The following TSPAN11 variants were observed in gnomAD, a reference collection of about 807,000 sequenced individuals.
The protein encoded by TSPAN11 is tetraspanin-11.
In TSPAN11, 29 loss-of-function variants were observed where a neutral mutation model predicts 32.9. The ratio of observed to expected loss-of-function variants is 0.88; its 90% CI spans 0.66 to 1.20. TSPAN11 has a LOEUF of 1.20. TSPAN11 is among the 50% of genes most tolerant of loss of function. The pLI, the probability that TSPAN11 is intolerant of heterozygous loss-of-function variation, is 0.00. For missense variants in TSPAN11, 283 were observed against 329.1 expected, an observed-to-expected ratio of 0.86 and a Z score of 1.08; for synonymous variants, 140 against 141.3, an observed-to-expected ratio of 0.99 and a Z score of 0.07.
At chr12:30,928,588 G>GTC (rs1302481873) in intron 1 of TSPAN11, among the ~76,000 whole-genome samples, 1 of 152,216 alleles carries the variant, frequency 6.6e-6, no homozygotes. Flanking sequence ...TAGCTGTTTA[G>GTC]TAGTGTTTGT....
chr12:31,006,350 G>A, the TSPAN11 span, among the ~76,000 whole-genome samples: 1 of 152,222 alleles, frequency 6.6e-6, no homozygotes, highest in Non-Finnish European at 1.5e-5. Context: ...GCAGGCCTAG[G>A]GGCCAGCCTG....
intron 7 of TSPAN11, among the ~76,000 whole-genome samples, chr12:30,983,573 G>A (rs960869991): frequency 1.3e-5 from 2 of 152,074 alleles, no homozygotes; most frequent in East Asian, 3.9e-4. Flanking sequence ...GAGTGTGCAC[G>A]TATCTGCATT....
intron 1 of TSPAN11, among the ~76,000 whole-genome samples, chr12:30,943,369 C>A (rs576051360): frequency 6.6e-6 from 1 of 152,336 alleles, no homozygotes; most frequent in African/African-American, 2.4e-5. Flanking sequence ...CTGTTCTGTG[C>A]CTCAGTTTTC....
At chr12:30,930,849 A>G (rs941533955) in intron 1 of TSPAN11, among the ~76,000 whole-genome samples, 2 of 152,154 alleles carry the variant, frequency 1.3e-5, no homozygotes, top group African/African-American at 4.8e-5. Flanking sequence ...TGCTTTTCCA[A>G]CTGGCCATGC....
downstream of TSPAN11, among the ~76,000 whole-genome samples, chr12:30,997,916 C>T (rs571881034): frequency 6.6e-5 from 10 of 152,302 alleles, no homozygotes; most frequent in East Asian, 1.9e-4. Flanking sequence ...GAGCTCCAGT[C>T]GCTCTCCTGT....
At chr12:30,997,402 T>C (rs766345073), downstream of TSPAN11, 2 of 152,268 alleles carry the variant, frequency 1.3e-5, no homozygotes, top group Admixed American at 6.5e-5. Context: ...AGAGGTTTAA[T>C]TGACTCACAG....
chr12:30,973,511 A>G (rs1315127820), intron 3 of TSPAN11, among the ~76,000 whole-genome samples: 4 of 152,020 alleles, frequency 2.6e-5, no homozygotes, highest in Admixed American at 2.6e-4. Flanking sequence ...ATGCCTGTCT[A>G]TTGCTCCCAC....
At chr12:30,989,803 G>A (rs1483138928) in intron 7 of TSPAN11, among the ~76,000 whole-genome samples, 1 of 152,208 alleles carries the variant, frequency 6.6e-6, no homozygotes. Context: ...TGACAGCCAG[G>A]TGCTGACTCA....
chr12:30,964,314 T>G (rs1354934635), intron 3 of TSPAN11, among the ~76,000 whole-genome samples: 4 of 151,470 alleles, frequency 2.6e-5, no homozygotes, highest in Admixed American at 1.3e-4. Context: ...TCTTCTCCTA[T>G]TCTTCCTGGT....
In TSPAN11 at chr12:30,993,749, C is replaced by T. The variant is rs1403512050; in HGVS notation, c.*1834C>T. The T allele has an allele frequency of 6.6e-6, 1 of 152,278 alleles. No individual in the cohort carries two copies. The highest frequency in any genetic ancestry group is 1.9e-4 in the East Asian group (1 of 5,202). 9.4% of individuals were successfully genotyped at this position (152,278 alleles called of 1,614,324 possible). A position where few individuals can be genotyped will look rare whatever the true frequency, so the allele number is the denominator to read the frequency against. ...CTCTGAAGGATGAGATCACAACTGA[C>T]AACTCTTACGACAGAGGGAGAGTGG... On this transcript the variant is annotated 3_prime_UTR_variant, in exon 8 of 8. Transcript: ENST00000546076.
chr12:30,946,992 C>T (rs771571057), intron 1 of TSPAN11, among the ~76,000 whole-genome samples: 1 of 152,200 alleles, frequency 6.6e-6, no homozygotes, highest in Non-Finnish European at 1.5e-5. Context: ...ACAGAAATAA[C>T]CTACTTAGGA....
At chr12:30,947,310 C>G (rs1417314626) in intron 1 of TSPAN11, among the ~76,000 whole-genome samples, 1 of 152,186 alleles carries the variant, frequency 6.6e-6, no homozygotes, top group Admixed American at 6.5e-5. Flanking sequence ...TCAGCCCTGT[C>G]CCCTTTCCCT....
intron 3 of TSPAN11, among the ~76,000 whole-genome samples, chr12:30,977,100 T>G (rs1328072541): frequency 6.6e-6 from 1 of 152,174 alleles, no homozygotes; most frequent in African/African-American, 2.4e-5. Flanking sequence ...TGCACTTCAT[T>G]TGAAAGGAAA....
chr12:30,965,209 C>A (rs1938704429), intron 3 of TSPAN11, among the ~76,000 whole-genome samples: 1 of 152,188 alleles, frequency 6.6e-6, no homozygotes, highest in Non-Finnish European at 1.5e-5. Context: ...AGAGAAAGAA[C>A]CCCTCTCCTC....
At chr12:30,965,756 G>A (rs1033540664) in intron 3 of TSPAN11, among the ~76,000 whole-genome samples, 5 of 152,188 alleles carry the variant, frequency 3.3e-5, no homozygotes, top group African/African-American at 1.2e-4. Context: ...GTATGGACGG[G>A]GAAGAAACGG....
At chr12:30,937,972 G>A (rs1938081101) in intron 1 of TSPAN11, among the ~76,000 whole-genome samples, 1 of 152,294 alleles carries the variant, frequency 6.6e-6, no homozygotes, top group African/African-American at 2.4e-5. Context: ...TAAGGTCCAG[G>A]GGTGGAGTAC....
At chr12:30,997,527 AGAGT>A (rs1939434052), downstream of TSPAN11, 1 of 152,350 alleles carries the variant, frequency 6.6e-6, no homozygotes, top group African/African-American at 2.4e-5. Flanking sequence ...CAGGAGAGAG[AGAGT>A]GAGGGGATAG....
At chr12:30,980,037 TC>T (rs1939057253) in intron 5 of TSPAN11, among the ~76,000 whole-genome samples, 1 of 152,168 alleles carries the variant, frequency 6.6e-6, no homozygotes, top group African/African-American at 2.4e-5. Context: ...GCTGCTTATA[TC>T]CGTGGGGCTG....
the TSPAN11 span, among the ~76,000 whole-genome samples, chr12:31,009,776 G>C: frequency 6.6e-6 from 1 of 152,122 alleles, no homozygotes; most frequent in South Asian, 2.1e-4. Context: ...CAAACATCAC[G>C]GCACCCTGAC....
Sources: allele counts gnomAD v4.1 joint callset (sites outside exome capture counted in the v4.1 genomes callset), GRCh38; gene constraint gnomAD v4.1.1; transcripts MANE v1.5; gene names NCBI Gene and HGNC (gene_info 2026-07-23, HGNC 2026-07-21).